Variants in SASS6 observed in about 807,000 individuals in gnomAD.
The protein encoded by SASS6 is SAS-6 centriolar assembly protein.
In SASS6, 59 loss-of-function variants were observed where a neutral mutation model predicts 94.9. The observed-to-expected ratio is 0.62, with a 90% CI of 0.50 to 0.77. The LOEUF (loss-of-function observed/expected upper bound fraction) is 0.77, where lower values mean the gene tolerates loss of function less well. Among genes scored for constraint, SASS6 ranks in the 30% least tolerant of loss-of-function variants. SASS6 has a pLI of 0.00. For synonymous variants in SASS6, 264 were observed against 270.0 expected (o/e 0.98, Z 0.22); for missense variants, 698 against 734.1 (o/e 0.95, Z 0.57).
At position 100,107,983 on chromosome 1, in the gene SASS6, C is replaced by A; in HGVS notation, c.883G>T (p.Glu295Ter). ...TTCTCTCTTCGCAAAGAGAGGACTT[C>A]TTGCTTAGTCCGCTGTAGCTCCTAG... ...VEEELQRTKQEVLSLRRENST... is the reference protein window; with the variant it reads ...VEEELQRTKQ Residue 295 changes from glutamate to a stop codon, truncating the protein, a stop_gained, in exon 9 of 17, where the codon GAA becomes TAA. Transcript: ENST00000287482. LOFTEE classifies it high-confidence loss of function. 6.2e-7 allele frequency: 1 copy of A among 1,609,128 alleles called. No individual in the cohort carries two copies. Among genetic ancestry groups the A allele is most frequent in the South Asian group, 1.1e-5 (1 of 90,674 alleles).
chr1:100,112,652 T>C (rs1653437310), intron 7 of SASS6, among the ~76,000 whole-genome samples: 1 of 152,214 alleles, frequency 6.6e-6, no homozygotes, highest in South Asian at 2.1e-4. Flanking sequence ...CTATAACATT[T>C]GTAGAAACCA....
rs369137075 is a variant in SASS6 at position 100,098,213 on chromosome 1, G to A, written c.1674+4742C>T. Among the ~76,000 whole-genome samples the A allele has an allele frequency of 6.8e-4, 103 of 152,064 alleles. 1 individual carries two copies. In the South Asian group the frequency reaches 0.021, roughly 31 times the overall value. On this transcript the variant is annotated intron_variant, in intron 14 of 16. Coordinates refer to ENST00000287482, the MANE Select transcript of SASS6 (RefSeq NM_194292.3). ...AACGGCAAACTAGCGTCCAGAATAT[G>A]TAAAGAACACTTATAAAACCATTTT...
rs1477232257 is a variant in SASS6 at position 100,085,615 on chromosome 1, C to T, written c.1788G>A (p.Gly596=). Residue 596 remains glycine (G), a synonymous_variant, in exon 16 of 17, where the codon GGG becomes GGA. Transcript: ENST00000287482. ...TTTTCTTCAGGTATTTGGATTCCAA[C>T]CCTACATTTTCACCACTTAAAAAGA... ...STDKENGENV[G]LESKYLKKRE... 6.2e-7 allele frequency: 1 copy of T among 1,608,366 alleles called. No homozygotes were observed. The highest frequency in any genetic ancestry group is 1.7e-5 in the Admixed American group (1 of 59,826).
At chr1:100,089,043 T>C (rs1389672674) in intron 14 of SASS6, among the ~76,000 whole-genome samples, 1 of 151,484 alleles carries the variant, frequency 6.6e-6, no homozygotes, top group Non-Finnish European at 1.5e-5. Context: ...AAGAACTTAA[T>C]GGAAATAAAA....
rs569330928 is a variant in SASS6, at chr1:100,121,258, T to C, written c.483+120A>G. 3 of 602,816 alleles carry C rather than the reference T, an allele frequency of 5.0e-6. No homozygotes were observed. In the East Asian group the frequency reaches 9.3e-5, roughly 19 times the overall value. 37.3% of individuals were successfully genotyped at this position (602,816 alleles called of 1,614,324 possible). On this transcript the variant is annotated intron_variant, in intron 5 of 16. Coordinates refer to ENST00000287482, the MANE Select transcript of SASS6 (RefSeq NM_194292.3). ...AATAAGAAACAGTAAAATAAATTCG[T>C]TATATTTCATAAAACTTTATTTAGA...
Position 100,085,019 on chromosome 1 carries a change from C to A in SASS6, c.*309G>T. On this transcript the variant is annotated 3_prime_UTR_variant, in exon 17 of 17. Transcript: ENST00000287482. ...AGATTTTTAATATGATCAGAATCTC[C>A]CTCATAAGGATCAACTCTTTCCTTA... 4.2e-6 allele frequency: 1 copy of A among 238,078 alleles called. No individual in the cohort carries two copies. The allele number at this position is 238,078 out of a possible 1,614,324, so 14.7% of individuals were successfully genotyped here.
chr1:100,107,316 A>C (rs1460858621), intron 11 of SASS6, 58 bp downstream of exon 11: 3 of 1,117,672 alleles, frequency 2.7e-6, no homozygotes, highest in African/African-American at 1.6e-5. Context: ...ACAAAGCATA[A>C]ATTTTTAAAA....
chr1:100,114,001 T>A (rs894136190), intron 7 of SASS6, among the ~76,000 whole-genome samples: 8 of 148,088 alleles, frequency 5.4e-5, no homozygotes, highest in African/African-American at 2.0e-4. Context: ...TCTTCAAAAA[T>A]AAAAAAAAAT....
intron 1 of SASS6, among the ~76,000 whole-genome samples, chr1:100,130,562 G>A (rs988075684): frequency 6.6e-6 from 1 of 152,010 alleles, no homozygotes; most frequent in South Asian, 2.1e-4. Flanking sequence ...GGTGGTATGC[G>A]CCTGTAATTG....
intron 2 of SASS6, among the ~76,000 whole-genome samples, chr1:100,124,326 C>T (rs1654410600): frequency 6.6e-6 from 1 of 152,154 alleles, no homozygotes; most frequent in South Asian, 2.1e-4. Flanking sequence ...ACTATTAATA[C>T]TACTAGGTCC....
At chr1:100,124,171 A>G (rs1191564947) in intron 2 of SASS6, among the ~76,000 whole-genome samples, 1 of 152,224 alleles carries the variant, frequency 6.6e-6, no homozygotes, top group Non-Finnish European at 1.5e-5. Context: ...AAGGAATAAC[A>G]TGTAAGAAGT....
chr1:100,118,971 C>G, intron 7 of SASS6, 47 bp downstream of exon 7: 2 of 1,382,750 alleles, frequency 1.4e-6, no homozygotes, highest in Non-Finnish European at 2.0e-6. Flanking sequence ...AACAAAATGA[C>G]TAACAGCAAT....
At chr1:100,119,347 G>A (rs981482866) in intron 6 of SASS6, among the ~76,000 whole-genome samples, 3 of 152,088 alleles carry the variant, frequency 2.0e-5, no homozygotes, top group Admixed American at 6.6e-5. Context: ...CGGCCCACAG[G>A]TCAAGATTAA....
intron 15 of SASS6, among the ~76,000 whole-genome samples, chr1:100,086,713 C>T (rs901303999): frequency 2.6e-5 from 4 of 151,824 alleles, no homozygotes; most frequent in African/African-American, 7.3e-5. Context: ...CAGGGCCCCA[C>T]TCTATCACCC....
intron 14 of SASS6, among the ~76,000 whole-genome samples, chr1:100,095,623 G>A (rs1652052097): frequency 6.6e-6 from 1 of 152,160 alleles, no homozygotes; most frequent in African/African-American, 2.4e-5. Flanking sequence ...CATTGGAAAG[G>A]AAGCTGTCAT....
chr1:100,085,455 A>G, intron 16 of SASS6, 21 bp from the exon 17 acceptor site: 1 of 1,577,126 alleles, frequency 6.3e-7, no homozygotes, highest in Non-Finnish European at 8.7e-7. Flanking sequence ...GGACAAAAAA[A>G]GGTTACTGGT....
chr1:100,118,099 T>C (rs1653925109), intron 7 of SASS6, among the ~76,000 whole-genome samples: 1 of 152,102 alleles, frequency 6.6e-6, no homozygotes, highest in Admixed American at 6.5e-5. Flanking sequence ...GCAGATCACC[T>C]AAGGTTGGGA....
intron 11 of SASS6, 130 bp downstream of exon 11, chr1:100,107,244 C>T: frequency 1.6e-6 from 1 of 642,646 alleles, no homozygotes; most frequent in Non-Finnish European, 2.7e-6. Flanking sequence ...TTACCATCTA[C>T]TCAATCTAGT....
chr1:100,119,798 C>G (rs1654039190), intron 6 of SASS6, among the ~76,000 whole-genome samples: 1 of 152,186 alleles, frequency 6.6e-6, no homozygotes, highest in Non-Finnish European at 1.5e-5. Flanking sequence ...TTCCTCAGGT[C>G]CCCACTAGAA....
Sources: allele counts gnomAD v4.1 joint callset (sites outside exome capture counted in the v4.1 genomes callset), GRCh38; gene constraint gnomAD v4.1.1; transcripts MANE v1.5; gene names NCBI Gene and HGNC (gene_info 2026-07-23, HGNC 2026-07-21).